THSD7A: variants seen among roughly 807,000 people sequenced by gnomAD.
THSD7A encodes thrombospondin type-1 domain-containing protein 7A.
A neutral mutation model predicts 231.3 loss-of-function variants in THSD7A; 96 were observed. The observed-to-expected ratio is 0.41, with a 90% CI of 0.35 to 0.49. THSD7A has a LOEUF of 0.49. Among genes scored for constraint, THSD7A ranks in the 20% least tolerant of loss-of-function variants. THSD7A has a pLI of 0.05. For synonymous variants in THSD7A, 940 were observed against 743.3 expected (o/e 1.26, Z -4.30); for missense variants, 2,290 against 2,070.2 (o/e 1.11, Z -2.06).
chr7:11,596,679 T>C (rs1020379858), intron 2 of THSD7A, among the ~76,000 whole-genome samples: 10 of 152,218 alleles, frequency 6.6e-5, no homozygotes, highest in African/African-American at 2.4e-4. Context: ...TGGTGATTCC[T>C]ACCACATCCC....
intron 1 of THSD7A, among the ~76,000 whole-genome samples, chr7:11,765,772 T>A (rs1368966872): frequency 6.6e-6 from 1 of 152,082 alleles, no homozygotes; most frequent in Non-Finnish European, 1.5e-5. Flanking sequence ...GTTATGGCCC[T>A]CTAGTTCTGT....
At chr7:11,510,025 C>T (rs78270000) in intron 6 of THSD7A, among the ~76,000 whole-genome samples, 5,194 of 151,926 alleles carry the variant, frequency 0.034, 305 homozygotes, top group African/African-American at 0.12. Context: ...CCCATAAATA[C>T]ATACAATCCC....
intron 7 of THSD7A, among the ~76,000 whole-genome samples, chr7:11,477,310 G>A (rs1219009124): frequency 6.6e-6 from 1 of 152,078 alleles, no homozygotes; most frequent in African/African-American, 2.4e-5. Context: ...TTTATCTGAT[G>A]TTTCCTCATG....
chr7:11,748,449 G>A (rs998301053), intron 1 of THSD7A, among the ~76,000 whole-genome samples: 1 of 151,894 alleles, frequency 6.6e-6, no homozygotes, highest in Admixed American at 6.6e-5. Context: ...TATTAAAGCA[G>A]TCTAAAAAGT....
chr7:11,757,153 G>A lies in THSD7A; in HGVS notation c.190+74604C>T, dbSNP rs143262147. Among the ~76,000 whole-genome samples the A allele has an allele frequency of 2.8e-4, 43 of 152,002 alleles. 2 individuals carry two copies. In the East Asian group the frequency reaches 8.3e-3, roughly 29 times the overall value. On this transcript the variant is annotated intron_variant, in intron 1 of 27. Transcript: ENST00000423059. Reference sequence around the variant, plus strand: ...AGCCACTGCAAACGTGAAGGTTACTGTTTCACAAAAGTACTGAAAAGATAC... The same window carrying A: ...AGCCACTGCAAACGTGAAGGTTACTATTTCACAAAAGTACTGAAAAGATAC...
At chr7:11,431,726 A>T (rs750819475) in intron 13 of THSD7A, among the ~76,000 whole-genome samples, 3 of 152,074 alleles carry the variant, frequency 2.0e-5, no homozygotes, top group Non-Finnish European at 2.9e-5. Context: ...TTCTGCAAAA[A>T]ATTGCAGCTA....
chr7:11,784,278 T>C (rs1183414287), intron 1 of THSD7A, among the ~76,000 whole-genome samples: 1 of 151,806 alleles, frequency 6.6e-6, no homozygotes, highest in Non-Finnish European at 1.5e-5. Flanking sequence ...TTTATTCTGC[T>C]TGGCATTTTT....
chr7:11,755,405 T>C (rs1181896751), intron 1 of THSD7A, among the ~76,000 whole-genome samples: 1 of 152,108 alleles, frequency 6.6e-6, no homozygotes, highest in African/African-American at 2.4e-5. Flanking sequence ...AGAACCCCAT[T>C]CTGAAGTTGT....
intron 1 of THSD7A, among the ~76,000 whole-genome samples, chr7:11,664,910 C>T (rs765643658): frequency 2.6e-5 from 4 of 151,920 alleles, no homozygotes; most frequent in Non-Finnish European, 5.9e-5. Flanking sequence ...AAGATGGTGT[C>T]GCTTTCTAAT....
At chr7:11,809,191 C>G (rs922120797) in intron 1 of THSD7A, among the ~76,000 whole-genome samples, 1 of 152,122 alleles carries the variant, frequency 6.6e-6, no homozygotes, top group African/African-American at 2.4e-5. Context: ...AAGAGAGATA[C>G]TTAAACAATA....
Position 11,500,818 on chromosome 7 carries a change from C to T in THSD7A, c.1823-18836G>A, listed in dbSNP as rs571621530. Among the ~76,000 whole-genome samples, 52 of 151,918 alleles carry T rather than the reference C, an allele frequency of 3.4e-4. 1 individual carries two copies. In the South Asian group the frequency reaches 6.1e-3, roughly 18 times the overall value. On this transcript the variant is annotated intron_variant, in intron 6 of 27. Coordinates refer to ENST00000423059, the MANE Select transcript of THSD7A (RefSeq NM_015204.3). ...AGGCGTGGTGGTGGGTGCCTGTAAT[C>T]CCAGCTACTTGGGAGGCTGAGGCAG...
intron 9 of THSD7A, among the ~76,000 whole-genome samples, chr7:11,467,268 T>C (rs1405909191): frequency 1.3e-5 from 2 of 152,156 alleles, no homozygotes; most frequent in African/African-American, 4.8e-5. Flanking sequence ...TTTTTCTTAA[T>C]ATATTTGCTC....
chr7:11,709,263 T>C (rs1476353493), intron 1 of THSD7A, among the ~76,000 whole-genome samples: 1 of 150,746 alleles, frequency 6.6e-6, no homozygotes, highest in Non-Finnish European at 1.5e-5. Flanking sequence ...TTCTAACTAG[T>C]AGGTACCCAA....
rs549210936 is a variant in THSD7A at position 11,394,717 on chromosome 7, G to A, written c.4411+7078C>T. On this transcript the variant is annotated intron_variant, in intron 23 of 27. Transcript: ENST00000423059. ...GGAATCACGCCTACACTGAATAAAA[G>A]CATGCAGCTCCAGCTTCTCGGGGCT... Among the ~76,000 whole-genome samples, 6 of 152,288 alleles carry A rather than the reference G, an allele frequency of 3.9e-5. No homozygotes were observed. In the South Asian group the frequency reaches 1.0e-3, roughly 26 times the overall value.
Position 11,391,396 on chromosome 7 carries a change from T to C in THSD7A, c.4412-8780A>G, listed in dbSNP as rs544406266. Among the ~76,000 whole-genome samples, 8 of 152,320 alleles carry C rather than the reference T, an allele frequency of 5.3e-5. No homozygotes were observed. The East Asian group carries it at 1.3e-3, about 26-fold the overall frequency. ...AACTTCCTGGTGACTTTATTTACAC[T>C]GTGAAGGTAAAACAGCCTACTCAAG... On this transcript the variant is annotated intron_variant, in intron 23 of 27. Coordinates refer to ENST00000423059, the MANE Select transcript of THSD7A (RefSeq NM_015204.3).
rs183647505 is a variant in THSD7A, at chr7:11,585,032, A to G, written c.1453+5428T>C. On this transcript the variant is annotated intron_variant, in intron 4 of 27. Transcript: ENST00000423059. Reference sequence around the variant, plus strand: ...ATCAAACAGCAAATGTTTATTAAAAACCTACCAAGTCAAAGGTACAAAGCA... The same window carrying G: ...ATCAAACAGCAAATGTTTATTAAAAGCCTACCAAGTCAAAGGTACAAAGCA... 8.9e-4 allele frequency among the ~76,000 whole-genome samples: 136 copies of G among 152,282 alleles called. 1 individual carries two copies. The highest frequency in any genetic ancestry group is 1.3e-4 in the Admixed American group (2 of 15,286).
At chr7:11,761,740 C>T (rs1238769114) in intron 1 of THSD7A, among the ~76,000 whole-genome samples, 2 of 151,740 alleles carry the variant, frequency 1.3e-5, no homozygotes, top group Non-Finnish European at 1.5e-5. Flanking sequence ...GAATTGCATT[C>T]CTTTCTTTCT....
Position 11,407,852 on chromosome 7 carries a change from C to A in THSD7A, c.3799-429G>T, listed in dbSNP as rs186169465. 6.6e-5 allele frequency among the ~76,000 whole-genome samples: 10 copies of A among 151,904 alleles called. No individual in the cohort carries two copies. The East Asian group carries it at 1.9e-3, about 29-fold the overall frequency. On this transcript the variant is annotated intron_variant, in intron 19 of 27. Coordinates refer to ENST00000423059, the MANE Select transcript of THSD7A (RefSeq NM_015204.3). ...TTTTTACATATCTTAAACTGAAAAG[C>A]AAAAGGAAAAGGTTCTAAACATAAA... is the stretch of plus-strand genomic sequence containing the variant.
rs751048602 is a variant in THSD7A, at chr7:11,509,821, C to CAAAAAAAAAAAA, written c.1823-27851_1823-27840dup. On this transcript the variant is annotated intron_variant, in intron 6 of 27. Transcript: ENST00000423059. ...TGGGCGACAGAGCCAGAGTCCGTCTCAAAAAAAAAAAAAAATAACATCTGA... is the reference window on the plus strand; with the variant it reads ...TGGGCGACAGAGCCAGAGTCCGTCTCAAAAAAAAAAAAAAAAAAAAAAAAAAATAACATCTGA... 6.2e-3 allele frequency among the ~76,000 whole-genome samples: 248 copies of CAAAAAAAAAAAA among 39,912 alleles called. 29 individuals are homozygous for CAAAAAAAAAAAA. Among genetic ancestry groups the CAAAAAAAAAAAA allele is most frequent in the Non-Finnish European group, 7.7e-3 (125 of 16,254 alleles). The allele number at this position is 39,912 out of a possible 152,430, so 26.2% of individuals were successfully genotyped here.
Sources: gnomAD v4.1 joint callset for allele counts (sites outside exome capture counted in the v4.1 genomes callset) on GRCh38, gnomAD v4.1.1 for gene constraint, MANE v1.5 for transcripts, NCBI Gene and HGNC (gene_info 2026-07-23, HGNC 2026-07-21) for gene names.